FNDC3B: variants seen among roughly 807,000 people sequenced by gnomAD.
FNDC3B encodes fibronectin type III domain-containing protein 3B.
A neutral mutation model predicts 151.5 loss-of-function variants in FNDC3B; 12 were observed. The observed-to-expected ratio is 0.08, with a 90% CI of 0.05 to 0.13. FNDC3B has a LOEUF of 0.13. FNDC3B is among the 10% of genes least tolerant of loss of function. The pLI is 1.00. For synonymous variants in FNDC3B, 528 were observed against 549.0 expected (o/e 0.96, Z 0.54); for missense variants, 1,214 against 1,505.3 (o/e 0.81, Z 3.20).
At chr3:172,389,552 T>A (rs903511889) in intron 25 of FNDC3B, among the ~76,000 whole-genome samples, 36 of 152,074 alleles carry the variant, frequency 2.4e-4, no homozygotes. Flanking sequence ...TATTAGAAAA[T>A]GATTAAAACA....
intron 1 of FNDC3B, among the ~76,000 whole-genome samples, chr3:172,057,801 C>T (rs917189472): frequency 2.6e-5 from 4 of 151,338 alleles, no homozygotes; most frequent in Non-Finnish European, 5.9e-5. Flanking sequence ...TAATGACAAT[C>T]CCATTATTTC....
At chr3:172,113,985 G>A (rs750755672) in intron 2 of FNDC3B, among the ~76,000 whole-genome samples, 1 of 152,150 alleles carries the variant, frequency 6.6e-6, no homozygotes, top group Non-Finnish European at 1.5e-5. Context: ...CATCTCACTA[G>A]GGTAGGACAG....
intron 2 of FNDC3B, among the ~76,000 whole-genome samples, chr3:172,123,390 T>C (rs559139494): frequency 1.0e-5 from 1 of 96,608 alleles, no homozygotes; most frequent in East Asian, 4.6e-4. Context: ...CAGAAGTTGA[T>C]AATTTTTTTT....
chr3:172,133,601 G>A lies in FNDC3B; in HGVS notation c.187+55G>A, dbSNP rs1288776739. On this transcript the variant is annotated intron_variant, in intron 3 of 25. Transcript: ENST00000415807. ...CAAAGATTTTTTTCTTTATTTGAAG[G>A]AAGTAATGTTTTTCTGTGTGTGTCT... 5 of 1,248,500 alleles carry A rather than the reference G, an allele frequency of 4.0e-6. No homozygotes were observed. The Admixed American group carries it at 5.1e-5, about 13-fold the overall frequency. 77.3% of individuals were successfully genotyped at this position (1,248,500 alleles called of 1,614,324 possible).
At chr3:172,283,214 A>T (rs1560056233) in intron 6 of FNDC3B, among the ~76,000 whole-genome samples, 1 of 151,702 alleles carries the variant, frequency 6.6e-6, no homozygotes, top group Non-Finnish European at 1.5e-5. Context: ...CCTGAAACTC[A>T]TTTTTTTTGA....
intron 23 of FNDC3B, among the ~76,000 whole-genome samples, chr3:172,364,820 T>A (rs1384035780): frequency 6.6e-6 from 1 of 152,218 alleles, no homozygotes; most frequent in Non-Finnish European, 1.5e-5. Flanking sequence ...TAAATTTAAA[T>A]GGCAATTTAA....
chr3:172,314,983 T>C (rs535523075), intron 11 of FNDC3B, among the ~76,000 whole-genome samples: 6 of 152,384 alleles, frequency 3.9e-5, no homozygotes, highest in African/African-American at 1.4e-4. Flanking sequence ...TAGGGTTAAC[T>C]GCCTGTTATT....
At chr3:172,340,405 C>G (rs1010641764) in intron 16 of FNDC3B, among the ~76,000 whole-genome samples, 4 of 151,870 alleles carry the variant, frequency 2.6e-5, no homozygotes, top group African/African-American at 9.7e-5. Context: ...CTTGCCTCAG[C>G]CTCCCAAGTA....
intron 6 of FNDC3B, among the ~76,000 whole-genome samples, chr3:172,262,609 T>G (rs891019444): frequency 1.4e-4 from 21 of 152,046 alleles, no homozygotes; most frequent in Admixed American, 1.4e-3. Context: ...TTTTATTTTT[T>G]GTTTTAAGTT....
At chr3:172,367,037 G>A (rs1320025352) in intron 23 of FNDC3B, among the ~76,000 whole-genome samples, 3 of 152,160 alleles carry the variant, frequency 2.0e-5, no homozygotes, top group East Asian at 3.8e-4. Context: ...CTTGGCTCAA[G>A]GCAAATCAAC....
At chr3:172,393,488 C>T (rs1480978211) in intron 25 of FNDC3B, among the ~76,000 whole-genome samples, 1 of 152,216 alleles carries the variant, frequency 6.6e-6, no homozygotes, top group Admixed American at 6.5e-5. Context: ...TTGAACAATA[C>T]TGTAGACCAA....
chr3:172,291,706 G>A (rs1196406852), intron 7 of FNDC3B, among the ~76,000 whole-genome samples: 3 of 152,040 alleles, frequency 2.0e-5, no homozygotes, highest in East Asian at 1.9e-4. Context: ...TTCTAGTTAC[G>A]GTAGGTTAAT....
intron 1 of FNDC3B, among the ~76,000 whole-genome samples, chr3:172,108,533 GT>G (rs1719793465): frequency 6.6e-6 from 1 of 152,340 alleles, no homozygotes; most frequent in South Asian, 2.1e-4. Context: ...CCTGTTGAGA[GT>G]TAAGTCCACG....
chr3:172,354,939 T>C (rs1734020258), intron 22 of FNDC3B, among the ~76,000 whole-genome samples: 2 of 151,878 alleles, frequency 1.3e-5, no homozygotes, highest in Admixed American at 1.3e-4. Context: ...TTTCTCTGTG[T>C]TGCCAGGACA....
chr3:172,261,434 A>G (rs560151080), intron 6 of FNDC3B, among the ~76,000 whole-genome samples: 1 of 152,346 alleles, frequency 6.6e-6, no homozygotes, highest in African/African-American at 2.4e-5. Flanking sequence ...CTGGTTTTGT[A>G]TGATCAGTAT....
intron 10 of FNDC3B, among the ~76,000 whole-genome samples, chr3:172,310,006 G>T (rs1383752049): frequency 6.6e-6 from 1 of 152,064 alleles, no homozygotes; most frequent in African/African-American, 2.4e-5. Flanking sequence ...GTCGGCCCTG[G>T]CATGTTTTTG....
intron 6 of FNDC3B, among the ~76,000 whole-genome samples, chr3:172,271,629 C>G (rs1269351309): frequency 3.3e-5 from 5 of 152,218 alleles, no homozygotes; most frequent in Non-Finnish European, 5.9e-5. Flanking sequence ...TTGACCTACT[C>G]ATTCCCACTT....
intron 9 of FNDC3B, among the ~76,000 whole-genome samples, chr3:172,304,853 T>C (rs1576892498): frequency 6.7e-6 from 1 of 148,234 alleles, no homozygotes; most frequent in Admixed American, 6.8e-5. Context: ...GCTGAGATCA[T>C]GCCATTGCAC....
At chr3:172,135,977 C>G (rs1415988353) in intron 3 of FNDC3B, among the ~76,000 whole-genome samples, 2 of 152,204 alleles carry the variant, frequency 1.3e-5, no homozygotes, top group Admixed American at 1.3e-4. Flanking sequence ...CCATTGCTAA[C>G]ATTTATTCAT....
Sources: allele counts gnomAD v4.1 joint callset (sites outside exome capture counted in the v4.1 genomes callset), GRCh38; gene constraint gnomAD v4.1.1; transcripts MANE v1.5; gene names NCBI Gene and HGNC (gene_info 2026-07-23, HGNC 2026-07-21).